PLPPR1: variants seen among roughly 807,000 people sequenced by gnomAD.
The protein encoded by PLPPR1 is phospholipid phosphatase related 1.
PLPPR1 carries 10 observed loss-of-function variants against 33.1 expected under a neutral mutation model. The observed-to-expected ratio is 0.30, with a 90% CI of 0.19 to 0.51. The LOEUF is 0.51. PLPPR1 is among the 20% of genes least tolerant of loss of function. PLPPR1 has a pLI of 0.97. For missense variants in PLPPR1, 304 were observed against 408.1 expected, an observed-to-expected ratio of 0.74 and a Z score of 2.20; for synonymous variants, 151 against 151.0, an observed-to-expected ratio of 1.00 and a Z score of 0.00.
chr9:101,157,834 C>G (rs1382189567), intron 1 of PLPPR1, among the ~76,000 whole-genome samples: 1 of 151,724 alleles, frequency 6.6e-6, no homozygotes, highest in African/African-American at 2.4e-5. Flanking sequence ...AACACCATCT[C>G]TATTAAAAAA....
At chr9:101,138,909 A>G (rs927715743) in intron 1 of PLPPR1, among the ~76,000 whole-genome samples, 3 of 152,154 alleles carry the variant, frequency 2.0e-5, no homozygotes, top group Non-Finnish European at 4.4e-5. Context: ...TTGACTCTTC[A>G]TGAAATGTGA....
chr9:101,277,422 G>T (rs1828216689), intron 3 of PLPPR1, among the ~76,000 whole-genome samples: 1 of 152,314 alleles, frequency 6.6e-6, no homozygotes, highest in South Asian at 2.1e-4. Flanking sequence ...TTCAGGGAAG[G>T]TTACTTGGTA....
chr9:101,086,152 T>C (rs904461552), intron 1 of PLPPR1, among the ~76,000 whole-genome samples: 3 of 152,208 alleles, frequency 2.0e-5, no homozygotes, highest in Admixed American at 6.5e-5. Context: ...CTGTCTTTAA[T>C]GTAGCTTCTT....
Position 101,286,170 on chromosome 9 carries a change from A to G in PLPPR1, c.319A>G (p.Lys107Glu). The G allele has an allele frequency of 6.2e-7, 1 of 1,613,526 alleles. No homozygotes were observed. The highest frequency in any genetic ancestry group is 8.5e-7 in the Non-Finnish European group (1 of 1,179,478). ...STRESLIAQE[K>E]TILTGECCYL... ...AAGAGAATCCCTGATTGCTCAGGAG[A>G]AAACAATTCTGACCGGAGAATGCTG... Residue 107 changes from lysine to glutamate, a missense_variant, in exon 4 of 8, where the codon AAA becomes GAA. Transcript: ENST00000374874.
intron 2 of PLPPR1, among the ~76,000 whole-genome samples, chr9:101,190,247 T>G (rs1179118183): frequency 6.6e-6 from 1 of 152,220 alleles, no homozygotes; most frequent in Non-Finnish European, 1.5e-5. Flanking sequence ...TGTAGGTATT[T>G]GCAGTGGAAT....
intron 1 of PLPPR1, among the ~76,000 whole-genome samples, chr9:101,054,638 G>A (rs1161781193): frequency 6.6e-6 from 1 of 152,190 alleles, no homozygotes; most frequent in Non-Finnish European, 1.5e-5. Context: ...TGATCCCTGA[G>A]GTTATTGAAA....
At chr9:101,278,925 C>A (rs1436550170) in intron 3 of PLPPR1, among the ~76,000 whole-genome samples, 1 of 152,218 alleles carries the variant, frequency 6.6e-6, no homozygotes, top group Non-Finnish European at 1.5e-5. Context: ...TGTCCAAAAT[C>A]TCTGAATGGA....
intron 2 of PLPPR1, among the ~76,000 whole-genome samples, chr9:101,223,160 A>G (rs903077199): frequency 4.4e-4 from 57 of 130,122 alleles, no homozygotes; most frequent in African/African-American, 1.4e-3. Context: ...AAAAAAAAAA[A>G]AAAAAAAAAA....
chr9:101,085,843 C>T lies in PLPPR1; in HGVS notation c.-46+56741C>T, dbSNP rs12340231. ...ACTCTGGCTTCTTGGGGTTCCACTT[C>T]CCTCATTGGAAATGGACCGGGGGGG... On this transcript the variant is annotated intron_variant, in intron 1 of 7. Coordinates refer to ENST00000374874, the MANE Select transcript of PLPPR1 (RefSeq NM_207299.2). Among the ~76,000 whole-genome samples the T allele has an allele frequency of 9.0e-3, 1,373 of 151,960 alleles. 29 individuals carry two copies. The highest frequency in any genetic ancestry group is 0.031 in the African/African-American group (1,266 of 41,468).
At chr9:101,322,824 A>G (rs1252839394) in intron 7 of PLPPR1, among the ~76,000 whole-genome samples, 1 of 152,210 alleles carries the variant, frequency 6.6e-6, no homozygotes, top group South Asian at 2.1e-4. Context: ...AATAAGGTTG[A>G]TCTGATGTGC....
At chr9:101,275,799 T>G (rs1216899565) in intron 3 of PLPPR1, among the ~76,000 whole-genome samples, 1 of 152,188 alleles carries the variant, frequency 6.6e-6, no homozygotes, top group Non-Finnish European at 1.5e-5. Flanking sequence ...AGTATTGAAG[T>G]AGCAGAACAT....
intron 1 of PLPPR1, among the ~76,000 whole-genome samples, chr9:101,170,006 A>G (rs973403598): frequency 6.6e-6 from 1 of 151,938 alleles, no homozygotes; most frequent in Non-Finnish European, 1.5e-5. Flanking sequence ...CTAAGAGTCA[A>G]TCAGGAGCTT....
chr9:101,302,739 A>G (rs1169525244), intron 4 of PLPPR1, among the ~76,000 whole-genome samples: 2 of 152,092 alleles, frequency 1.3e-5, no homozygotes, highest in Non-Finnish European at 2.9e-5. Flanking sequence ...AGATTTTTTT[A>G]TCATTTTTTC....
At chr9:101,246,103 T>TAGATAGATAG (rs1248690310) in intron 2 of PLPPR1, among the ~76,000 whole-genome samples, 3 of 109,968 alleles carry the variant, frequency 2.7e-5, no homozygotes, top group Non-Finnish European at 5.8e-5. Context: ...TATATATATA[T>TAGATAGATAG]ATATATAGAT....
intron 4 of PLPPR1, among the ~76,000 whole-genome samples, chr9:101,308,010 T>G (rs982804042): frequency 2.0e-5 from 3 of 152,236 alleles, no homozygotes; most frequent in African/African-American, 7.2e-5. Context: ...TTGTTGGGGC[T>G]AATCCTCTGG....
At chr9:101,196,437 T>G (rs777318611) in intron 2 of PLPPR1, among the ~76,000 whole-genome samples, 5 of 152,184 alleles carry the variant, frequency 3.3e-5, no homozygotes, top group Non-Finnish European at 7.3e-5. Context: ...TATGACAGAT[T>G]TTACTGCAAG....
intron 2 of PLPPR1, among the ~76,000 whole-genome samples, chr9:101,225,035 A>G (rs1229788840): frequency 6.6e-6 from 1 of 152,228 alleles, no homozygotes; most frequent in Non-Finnish European, 1.5e-5. Context: ...ATACTTTTAT[A>G]GCCAGAAATG....
chr9:101,285,185 A>T (rs1425427817), intron 3 of PLPPR1, among the ~76,000 whole-genome samples: 2 of 152,152 alleles, frequency 1.3e-5, no homozygotes, highest in African/African-American at 4.8e-5. Context: ...CTCGATCTTC[A>T]GTTATGGCAG....
chr9:101,175,141 C>T (rs1015281011), intron 1 of PLPPR1, among the ~76,000 whole-genome samples: 5 of 152,046 alleles, frequency 3.3e-5, no homozygotes, highest in African/African-American at 1.2e-4. Context: ...TGAAATGCTT[C>T]TCTCTCTCAT....
Sources: gnomAD v4.1 joint callset for allele counts (sites outside exome capture counted in the v4.1 genomes callset) on GRCh38, gnomAD v4.1.1 for gene constraint, MANE v1.5 for transcripts, NCBI Gene and HGNC (gene_info 2026-07-23, HGNC 2026-07-21) for gene names.